The following PHACTR1 variants were observed in gnomAD, a reference collection of about 807,000 sequenced individuals.
PHACTR1 encodes RPEL repeat containing 1.
In PHACTR1, 16 loss-of-function variants were observed where a neutral mutation model predicts 69.2. The ratio of observed to expected loss-of-function variants is 0.23; its 90% confidence interval spans 0.16 to 0.35. The LOEUF is 0.35. Among genes scored for constraint, PHACTR1 ranks in the 10% least tolerant of loss-of-function variants. PHACTR1 has a pLI of 1.00. For synonymous variants in PHACTR1, 312 were observed against 284.5 expected (o/e 1.10, Z -0.97); for missense variants, 510 against 734.7 (o/e 0.69, Z 3.54).
At chr6:13,053,562 G>A in intron 5 of PHACTR1, 33 bp downstream of exon 5, 1 of 1,601,122 alleles carries the variant, frequency 6.2e-7, no homozygotes, top group Middle Eastern at 1.7e-4. Context: ...TTCCCATTTG[G>A]TGTTTGTTGC....
At chr6:12,945,105 C>G (rs899949869) in intron 4 of PHACTR1, among the ~76,000 whole-genome samples, 3 of 152,102 alleles carry the variant, frequency 2.0e-5, no homozygotes, top group South Asian at 2.1e-4. Flanking sequence ...ATGCCATGCT[C>G]TCTCTGGTTT....
chr6:13,070,991 T>TA (rs11357927), intron 5 of PHACTR1, among the ~76,000 whole-genome samples: 6 of 149,924 alleles, frequency 4.0e-5, no homozygotes, highest in South Asian at 2.1e-4. Flanking sequence ...CCTTAATAAT[T>TA]AAAAAAAAAA....
At chr6:13,118,112 A>G (rs539030576) in intron 5 of PHACTR1, among the ~76,000 whole-genome samples, 26 of 152,378 alleles carry the variant, frequency 1.7e-4, no homozygotes. Context: ...CTTCCGAGAA[A>G]TATTTTAAAC....
intron 4 of PHACTR1, among the ~76,000 whole-genome samples, chr6:12,799,543 A>G (rs1773463415): frequency 6.6e-6 from 1 of 152,228 alleles, no homozygotes; most frequent in Non-Finnish European, 1.5e-5. Flanking sequence ...ATTTCACAGG[A>G]AATGAAAAAA....
At chr6:12,987,112 T>C (rs1796279398) in intron 4 of PHACTR1, among the ~76,000 whole-genome samples, 1 of 152,220 alleles carries the variant, frequency 6.6e-6, no homozygotes, top group South Asian at 2.1e-4. Context: ...AAATGTAATA[T>C]GGATGATTAT....
At chr6:13,001,776 C>G (rs1798122585) in intron 4 of PHACTR1, among the ~76,000 whole-genome samples, 1 of 152,188 alleles carries the variant, frequency 6.6e-6, no homozygotes, top group African/African-American at 2.4e-5. Context: ...TTTGTGTTTC[C>G]TAATCCTCCT....
intron 4 of PHACTR1, among the ~76,000 whole-genome samples, chr6:13,045,413 C>T (rs1215031528): frequency 1.3e-5 from 2 of 152,190 alleles, no homozygotes; most frequent in Non-Finnish European, 1.5e-5. Flanking sequence ...TAATAGTCAT[C>T]AGCACCGATA....
chr6:12,815,647 TC>T (rs1775495585), intron 4 of PHACTR1, among the ~76,000 whole-genome samples: 1 of 152,302 alleles, frequency 6.6e-6, no homozygotes, highest in African/African-American at 2.4e-5. Context: ...AAACTACAGC[TC>T]ACATCCAAAA....
At chr6:13,112,669 CTT>C (rs1345685841) in intron 5 of PHACTR1, among the ~76,000 whole-genome samples, 1 of 152,072 alleles carries the variant, frequency 6.6e-6, no homozygotes, top group Non-Finnish European at 1.5e-5. Flanking sequence ...ATGTTGGCCA[CTT>C]GTCATTTTTT....
intron 4 of PHACTR1, among the ~76,000 whole-genome samples, chr6:13,048,264 T>C (rs1805386862): frequency 6.6e-6 from 1 of 152,192 alleles, no homozygotes; most frequent in Non-Finnish European, 1.5e-5. Flanking sequence ...TGATTCAACA[T>C]GCTCAGTCCT....
At chr6:12,873,883 A>G (rs1440104344) in intron 4 of PHACTR1, among the ~76,000 whole-genome samples, 4 of 152,336 alleles carry the variant, frequency 2.6e-5, no homozygotes, top group African/African-American at 4.8e-5. Flanking sequence ...TGTAAATAAC[A>G]CTTACTGGAA....
At chr6:12,804,482 C>G (rs997176393) in intron 4 of PHACTR1, among the ~76,000 whole-genome samples, 2 of 152,184 alleles carry the variant, frequency 1.3e-5, no homozygotes, top group African/African-American at 4.8e-5. Flanking sequence ...GGTCCCATTA[C>G]AGAATGATTA....
chr6:13,206,163 C>T (rs771367267), intron 8 of PHACTR1, 27 bp downstream of exon 8: 39 of 1,524,564 alleles, frequency 2.6e-5, no homozygotes, highest in South Asian at 2.0e-4. Context: ...GGAGGGAGGA[C>T]GGGAGGAGAG....
intron 4 of PHACTR1, among the ~76,000 whole-genome samples, chr6:12,918,907 A>T (rs1015992537): frequency 3.3e-5 from 5 of 152,204 alleles, no homozygotes; most frequent in African/African-American, 1.2e-4. Context: ...AGGAACAAGA[A>T]AAAGTTGCGA....
chr6:13,195,778 A>G (rs1008593856), intron 7 of PHACTR1, among the ~76,000 whole-genome samples: 1 of 149,814 alleles, frequency 6.7e-6, no homozygotes, highest in African/African-American at 2.5e-5. Flanking sequence ...AAAAAAAAAA[A>G]AAGTTCATTT....
intron 4 of PHACTR1, among the ~76,000 whole-genome samples, chr6:12,984,710 T>C (rs1276163912): frequency 6.6e-6 from 1 of 152,228 alleles, no homozygotes; most frequent in African/African-American, 2.4e-5. Flanking sequence ...TTTAAAATAA[T>C]TTTGGGATCA....
intron 5 of PHACTR1, among the ~76,000 whole-genome samples, chr6:13,143,798 A>T (rs1822872632): frequency 1.3e-5 from 2 of 152,042 alleles, no homozygotes; most frequent in South Asian, 4.1e-4. Context: ...ATATAAACAT[A>T]AAAAATTTAT....
intron 4 of PHACTR1, among the ~76,000 whole-genome samples, chr6:12,853,945 T>C (rs763560332): frequency 1.3e-5 from 2 of 152,176 alleles, no homozygotes; most frequent in Non-Finnish European, 2.9e-5. Context: ...ATGATGTCAA[T>C]AGGTAGATGT....
intron 4 of PHACTR1, among the ~76,000 whole-genome samples, chr6:12,907,189 C>T (rs990915140): frequency 6.6e-6 from 1 of 152,170 alleles, no homozygotes; most frequent in African/African-American, 2.4e-5. Flanking sequence ...CGTTACATTA[C>T]AAAATTCTCT....
Sources: gnomAD v4.1 joint callset for allele counts (sites outside exome capture counted in the v4.1 genomes callset) on GRCh38, gnomAD v4.1.1 for gene constraint, MANE v1.5 for transcripts, NCBI Gene and HGNC (gene_info 2026-07-23, HGNC 2026-07-21) for gene names.